The following SLC39A11 variants were observed in gnomAD, a reference collection of about 807,000 sequenced individuals.
SLC39A11 encodes the protein solute carrier family 39 member 11, also known as zinc transporter ZIP11.
In SLC39A11, 33 loss-of-function variants were observed where a neutral mutation model predicts 36.1. That is an observed-to-expected ratio of 0.91 (90% CI 0.69 to 1.22). The LOEUF is 1.22. Among genes scored for constraint, SLC39A11 ranks in the 50% most tolerant of loss-of-function variants. The pLI, the probability that SLC39A11 is intolerant of heterozygous loss-of-function variation, is 0.00. For synonymous variants in SLC39A11, 166 were observed against 170.3 expected (o/e 0.97, Z 0.20); for missense variants, 432 against 430.3 (o/e 1.00, Z -0.03).
rs182438454 is a variant in SLC39A11 at position 73,049,811 on chromosome 17, G to A, written c.148-18097C>T. Among the ~76,000 whole-genome samples, 24 of 152,190 alleles carry A rather than the reference G, an allele frequency of 1.6e-4. No homozygotes were observed. The South Asian group carries it at 2.3e-3, about 15-fold the overall frequency. On this transcript the variant is annotated intron_variant, in intron 3 of 9. Transcript: ENST00000255559. ...AAACAGACAAGAAACTCAAGAGAAC[G>A]AGGAATGACATGAAGGAAATGAAAT...
At chr17:72,869,178 C>T (rs988775018) in intron 5 of SLC39A11, among the ~76,000 whole-genome samples, 66 of 152,296 alleles carry the variant, frequency 4.3e-4, no homozygotes, top group African/African-American at 1.6e-3. Flanking sequence ...CCATGTTGTC[C>T]TTCCCAAGTG....
chr17:72,912,967 C>T (rs567304303), intron 5 of SLC39A11, among the ~76,000 whole-genome samples: 79 of 152,140 alleles, frequency 5.2e-4, no homozygotes, highest in Non-Finnish European at 8.1e-4. Context: ...GGTGTCAGGA[C>T]GGTAGCAAAA....
At chr17:73,080,508 G>A (rs887300724) in intron 3 of SLC39A11, among the ~76,000 whole-genome samples, 9 of 152,118 alleles carry the variant, frequency 5.9e-5, no homozygotes, top group African/African-American at 1.7e-4. Context: ...AGACTTAAAT[G>A]TAAGACCTGA....
At chr17:73,005,067 C>G (rs1442532595) in intron 4 of SLC39A11, among the ~76,000 whole-genome samples, 1 of 152,200 alleles carries the variant, frequency 6.6e-6, no homozygotes, top group Non-Finnish European at 1.5e-5. Context: ...GTGAACTCAG[C>G]TCAACTGCAA....
At chr17:72,678,063 C>G (rs1360105994) in intron 7 of SLC39A11, among the ~76,000 whole-genome samples, 1 of 152,152 alleles carries the variant, frequency 6.6e-6, no homozygotes, top group East Asian at 1.9e-4. Context: ...CAAACAGAAG[C>G]AGAGGGTCCA....
At chr17:72,735,279 C>T (rs902530595) in intron 7 of SLC39A11, among the ~76,000 whole-genome samples, 3 of 152,160 alleles carry the variant, frequency 2.0e-5, no homozygotes, top group Non-Finnish European at 4.4e-5. Flanking sequence ...CTACATTTAA[C>T]ACACAGGGGC....
intron 5 of SLC39A11, among the ~76,000 whole-genome samples, chr17:72,928,505 C>T (rs1412229939): frequency 3.3e-5 from 5 of 151,978 alleles, no homozygotes; most frequent in Non-Finnish European, 7.4e-5. Context: ...GTAAGGAAGA[C>T]ATGAGAATTT....
chr17:72,816,078 C>T (rs565813896), intron 6 of SLC39A11, among the ~76,000 whole-genome samples: 9 of 152,320 alleles, frequency 5.9e-5, no homozygotes, highest in Admixed American at 3.9e-4. Flanking sequence ...GAATCCATTG[C>T]GGAGAGTTGA....
At chr17:73,044,453 T>C (rs987578185) in intron 3 of SLC39A11, among the ~76,000 whole-genome samples, 2 of 152,356 alleles carry the variant, frequency 1.3e-5, no homozygotes, top group East Asian at 1.9e-4. Context: ...AAAAACTATA[T>C]GGATACTACA....
intron 7 of SLC39A11, among the ~76,000 whole-genome samples, chr17:72,665,398 T>TTTTTTTTTTTTTG: frequency 7.7e-6 from 1 of 130,174 alleles, no homozygotes; most frequent in Non-Finnish European, 1.6e-5. Flanking sequence ...TGTTTTTTTT[T>TTTTTTTTTTTTTG]TTTTTTTTTT....
chr17:72,800,162 AG>A (rs1390244201), intron 6 of SLC39A11, among the ~76,000 whole-genome samples: 1 of 152,110 alleles, frequency 6.6e-6, no homozygotes, highest in Non-Finnish European at 1.5e-5. Flanking sequence ...AAGAGGCAGG[AG>A]TGAGAGGACC....
chr17:72,741,828 C>CAGAAAGGG (rs1372618330), intron 6 of SLC39A11, among the ~76,000 whole-genome samples: 10 of 152,068 alleles, frequency 6.6e-5, no homozygotes, highest in Non-Finnish European at 1.5e-4. Flanking sequence ...ACTCAAGTAT[C>CAGAAAGGG]AGAAAGGGGT....
intron 5 of SLC39A11, among the ~76,000 whole-genome samples, chr17:72,891,884 C>T (rs976289195): frequency 6.6e-6 from 1 of 151,688 alleles, no homozygotes; most frequent in Non-Finnish European, 1.5e-5. Context: ...TTAAAAAACT[C>T]TCCTCCACTA....
chr17:72,854,847 C>T (rs2079554043), intron 5 of SLC39A11, among the ~76,000 whole-genome samples: 6 of 152,140 alleles, frequency 3.9e-5, no homozygotes, highest in Admixed American at 3.9e-4. Flanking sequence ...TCACTTTTCC[C>T]ACGGAATCAC....
intron 7 of SLC39A11, among the ~76,000 whole-genome samples, chr17:72,685,368 A>AG (rs2071697871): frequency 6.6e-6 from 1 of 152,296 alleles, no homozygotes; most frequent in Admixed American, 6.5e-5. Context: ...GAAGAATTAA[A>AG]GGGGGAGGGG....
At chr17:72,754,910 G>A (rs986620362) in intron 6 of SLC39A11, among the ~76,000 whole-genome samples, 1 of 152,224 alleles carries the variant, frequency 6.6e-6, no homozygotes. Flanking sequence ...AGCATGCATA[G>A]AAAGAGACTT....
intron 4 of SLC39A11, among the ~76,000 whole-genome samples, chr17:73,028,502 A>G (rs1438350910): frequency 6.6e-6 from 1 of 152,222 alleles, no homozygotes; most frequent in East Asian, 1.9e-4. Context: ...CACTGACTGT[A>G]GCAATCATAA....
At chr17:72,688,469 T>A (rs2071859284) in intron 7 of SLC39A11, among the ~76,000 whole-genome samples, 1 of 152,250 alleles carries the variant, frequency 6.6e-6, no homozygotes, top group South Asian at 2.1e-4. Context: ...ATACCATGTG[T>A]GCCTTCAGCT....
At chr17:72,882,455 A>G (rs1347546760) in intron 5 of SLC39A11, among the ~76,000 whole-genome samples, 4 of 152,170 alleles carry the variant, frequency 2.6e-5, no homozygotes, top group Non-Finnish European at 5.9e-5. Flanking sequence ...AAATGCTCAG[A>G]AAATCCAAGT....
Sources: gnomAD v4.1 joint callset for allele counts (sites outside exome capture counted in the v4.1 genomes callset) on GRCh38, gnomAD v4.1.1 for gene constraint, MANE v1.5 for transcripts, NCBI Gene and HGNC (gene_info 2026-07-23, HGNC 2026-07-21) for gene names.